The following CSNK1G1 variants were observed in gnomAD, a reference collection of about 807,000 sequenced individuals.
The protein encoded by CSNK1G1 is casein kinase 1 gamma 1.
CSNK1G1 carries 22 observed loss-of-function variants against 59.6 expected under a neutral mutation model. That is an observed-to-expected ratio of 0.37 (90% CI 0.26 to 0.53). The LOEUF (loss-of-function observed/expected upper bound fraction) is 0.53. Ranked by LOEUF, CSNK1G1 falls within the 20% of genes least tolerant of loss-of-function variation. The pLI is 0.89. For synonymous variants in CSNK1G1, 179 were observed against 177.1 expected, an observed-to-expected ratio of 1.01 and a Z score of -0.08; for missense variants, 384 against 519.5, an observed-to-expected ratio of 0.74 and a Z score of 2.54.
At chr15:64,275,030 C>G (rs975802691) in intron 2 of CSNK1G1, among the ~76,000 whole-genome samples, 1 of 152,176 alleles carries the variant, frequency 6.6e-6, no homozygotes, top group African/African-American at 2.4e-5. Flanking sequence ...CTATTGCCAC[C>G]TCCACCCAAA....
intron 3 of CSNK1G1, among the ~76,000 whole-genome samples, chr15:64,255,614 G>T (rs1892334623): frequency 6.6e-6 from 1 of 152,092 alleles, no homozygotes. Flanking sequence ...CTTTTCTCAG[G>T]CTTTCCTAGA....
intron 2 of CSNK1G1, among the ~76,000 whole-genome samples, chr15:64,262,794 T>C (rs576034190): frequency 6.6e-6 from 1 of 152,312 alleles, no homozygotes; most frequent in Admixed American, 6.5e-5. Flanking sequence ...AAGAAAAAGA[T>C]GCAGTCAGGC....
chr15:64,217,751 G>C (rs1391858820), intron 4 of CSNK1G1, among the ~76,000 whole-genome samples: 1 of 151,632 alleles, frequency 6.6e-6, no homozygotes, highest in Non-Finnish European at 1.5e-5. Context: ...AGGAGGCGGA[G>C]GTTGCAGTGA....
chr15:64,333,310 G>C (rs1897214486), intron 1 of CSNK1G1, among the ~76,000 whole-genome samples: 1 of 112,728 alleles, frequency 8.9e-6, no homozygotes, highest in South Asian at 3.2e-4. Context: ...TCTAAATCTT[G>C]AAACAATGGC....
At chr15:64,196,638 GATGGGGTTTCTCC>G (rs1420556676) in intron 10 of CSNK1G1, among the ~76,000 whole-genome samples, 1 of 151,998 alleles carries the variant, frequency 6.6e-6, no homozygotes, top group Non-Finnish European at 1.5e-5. Flanking sequence ...TTTTAGTAGA[GATGGGGTTTCTCC>G]ATGTTGGTCA....
intron 1 of CSNK1G1, among the ~76,000 whole-genome samples, chr15:64,305,615 A>C (rs967283003): frequency 4.0e-5 from 6 of 150,956 alleles, no homozygotes; most frequent in African/African-American, 1.5e-4. Flanking sequence ...GCTACTCAGG[A>C]GGCAGAACTG....
chr15:64,185,460 CTCTA>C (rs937559328), intron 10 of CSNK1G1, among the ~76,000 whole-genome samples: 13 of 152,220 alleles, frequency 8.5e-5, no homozygotes, highest in African/African-American at 2.7e-4. Context: ...ACTGCCTGTC[CTCTA>C]TCTAAGTGCC....
chr15:64,340,536 G>A (rs544063137), intron 1 of CSNK1G1, among the ~76,000 whole-genome samples: 2 of 152,266 alleles, frequency 1.3e-5, no homozygotes, highest in Non-Finnish European at 2.9e-5. Context: ...GTTATATGAT[G>A]TGGTAGAGAC....
At chr15:64,195,876 A>G (rs984804174) in intron 10 of CSNK1G1, among the ~76,000 whole-genome samples, 8 of 152,208 alleles carry the variant, frequency 5.3e-5, no homozygotes, top group African/African-American at 1.9e-4. Flanking sequence ...AGGAACGTTT[A>G]TTCTATCCAA....
At chr15:64,226,082 C>A (rs2082457374) in intron 4 of CSNK1G1, among the ~76,000 whole-genome samples, 1 of 152,218 alleles carries the variant, frequency 6.6e-6, no homozygotes, top group African/African-American at 2.4e-5. Context: ...TTGTTCAATT[C>A]TTTGCTCAAG....
At chr15:64,219,981 C>T (rs2082365295) in intron 4 of CSNK1G1, among the ~76,000 whole-genome samples, 1 of 151,992 alleles carries the variant, frequency 6.6e-6, no homozygotes, top group Admixed American at 6.6e-5. Flanking sequence ...GCCATGTTGG[C>T]CAGGATAGTC....
chr15:64,308,754 G>T (rs751318451), intron 1 of CSNK1G1, among the ~76,000 whole-genome samples: 1 of 151,990 alleles, frequency 6.6e-6, no homozygotes, highest in Non-Finnish European at 1.5e-5. Context: ...AAAATTAGCC[G>T]GTCGTGGTGA....
intron 1 of CSNK1G1, among the ~76,000 whole-genome samples, chr15:64,317,983 T>C (rs1275073819): frequency 6.6e-6 from 1 of 152,190 alleles, no homozygotes; most frequent in Admixed American, 6.5e-5. Flanking sequence ...AACTGCTACA[T>C]AGCTGGGAAA....
chr15:64,203,808 T>C (rs1054706005), intron 9 of CSNK1G1, among the ~76,000 whole-genome samples: 1 of 151,332 alleles, frequency 6.6e-6, no homozygotes, highest in Non-Finnish European at 1.5e-5. Flanking sequence ...GTTCCACTGC[T>C]ACAAAGGTCA....
intron 2 of CSNK1G1, among the ~76,000 whole-genome samples, chr15:64,297,149 G>C (rs1482956990): frequency 6.6e-6 from 1 of 151,676 alleles, no homozygotes; most frequent in Non-Finnish European, 1.5e-5. Flanking sequence ...AGTAAGGAGA[G>C]GCAATTAATA....
At chr15:64,178,513 C>T (rs1397122679) in intron 11 of CSNK1G1, among the ~76,000 whole-genome samples, 3 of 142,930 alleles carry the variant, frequency 2.1e-5, no homozygotes, top group African/African-American at 8.0e-5. Flanking sequence ...GATGGAGTCT[C>T]GCTCTGTCGC....
chr15:64,208,395 TGG>T (rs1308561177), intron 6 of CSNK1G1, among the ~76,000 whole-genome samples: 1 of 152,182 alleles, frequency 6.6e-6, no homozygotes, highest in Non-Finnish European at 1.5e-5. Context: ...AACAAGTTGC[TGG>T]GTTTTTCTCT....
chr15:64,204,893 G>A lies in CSNK1G1; in HGVS notation c.822C>T (p.Pro274=), dbSNP rs1009093883. ...QKIGDTKRNT[P]IEALCENFPE... The stretch of plus-strand genomic sequence containing the variant: ...GAAAGTTCTCACAGAGAGCTTCAAT[G>A]GGAGTATTCCTTTTGGTGTCACCAA... Residue 274 remains proline (P), a synonymous_variant, in exon 8 of 12, where the codon CCC becomes CCT. Coordinates refer to ENST00000303052, the MANE Select transcript of CSNK1G1 (RefSeq NM_022048.5). 4.3e-6 allele frequency: 7 copies of A among 1,610,962 alleles called. No individual in the cohort carries two copies. The Admixed American group carries it at 5.0e-5, about 12-fold the overall frequency.
intron 1 of CSNK1G1, among the ~76,000 whole-genome samples, chr15:64,308,288 G>A (rs989198699): frequency 8.6e-5 from 13 of 151,414 alleles, no homozygotes; most frequent in Non-Finnish European, 1.3e-4. Context: ...TTGTAGAGAC[G>A]AGGTCTCACT....
Sources: allele counts gnomAD v4.1 joint callset (sites outside exome capture counted in the v4.1 genomes callset), GRCh38; gene constraint gnomAD v4.1.1; transcripts MANE v1.5; gene names NCBI Gene and HGNC (gene_info 2026-07-23, HGNC 2026-07-21).